Variants in TMOD1 observed in about 807,000 individuals in gnomAD.
The protein encoded by TMOD1 is tropomodulin 1.
In TMOD1, 17 loss-of-function variants were observed where a neutral mutation model predicts 40.6. That is an observed-to-expected ratio of 0.42 (90% CI 0.29 to 0.63). The LOEUF (loss-of-function observed/expected upper bound fraction) is 0.63, where lower values mean the gene tolerates loss of function less well. TMOD1 is among the 20% of genes least tolerant of loss of function. The pLI is 0.22. For missense variants in TMOD1, 391 were observed against 447.6 expected (o/e 0.87, Z 1.14); for synonymous variants, 181 against 175.0 (o/e 1.03, Z -0.27).
chr9:97,537,200 C>A (rs999051318), intron 2 of TMOD1, among the ~76,000 whole-genome samples: 5 of 152,134 alleles, frequency 3.3e-5, no homozygotes, highest in African/African-American at 7.2e-5. Flanking sequence ...TTTATATTTC[C>A]GAGCTGCCAG....
intron 1 of TMOD1, among the ~76,000 whole-genome samples, chr9:97,514,672 G>A (rs947930039): frequency 6.6e-6 from 1 of 152,222 alleles, no homozygotes; most frequent in African/African-American, 2.4e-5. Flanking sequence ...TGCAGGGCAA[G>A]CCTTTCATCC....
intron 9 of TMOD1, among the ~76,000 whole-genome samples, chr9:97,597,062 T>C (rs945404531): frequency 2.0e-5 from 3 of 152,206 alleles, no homozygotes; most frequent in South Asian, 2.1e-4. Flanking sequence ...TCCAAAAACA[T>C]GATGGAAATG....
intron 2 of TMOD1, among the ~76,000 whole-genome samples, chr9:97,535,194 A>C (rs756448486): frequency 3.9e-5 from 6 of 152,170 alleles, no homozygotes; most frequent in Non-Finnish European, 5.9e-5. Flanking sequence ...TCAGGTACAC[A>C]TGTCAGTGGA....
At chr9:97,554,868 G>A (rs933507118) in intron 4 of TMOD1, among the ~76,000 whole-genome samples, 4 of 152,192 alleles carry the variant, frequency 2.6e-5, no homozygotes, top group African/African-American at 9.7e-5. Context: ...GGGATGTGCA[G>A]GGGCAGTGAG....
At position 97,502,262 on chromosome 9, in the gene TMOD1, T is replaced by A. The variant is rs1829514532; in HGVS notation, c.-49+459T>A. On this transcript the variant is annotated intron_variant, in intron 1 of 9. Transcript: ENST00000259365. The surrounding 1 kb of genome is among the most constrained non-coding windows in gnomAD (Gnocchi z 6.1). The stretch of plus-strand genomic sequence containing the variant: ...TCGGGGGCGCGGCCTCTTCTCCGCC[T>A]GCAAGAGTCTGGGGGTGGGAGTGGG... 1.3e-5 allele frequency among the ~76,000 whole-genome samples: 2 copies of A among 152,038 alleles called. No individual in the cohort carries two copies.
At chr9:97,529,266 G>A (rs143702016) in intron 2 of TMOD1, among the ~76,000 whole-genome samples, 3 of 152,276 alleles carry the variant, frequency 2.0e-5, no homozygotes, top group African/African-American at 4.8e-5. Flanking sequence ...ACTTGGGTAC[G>A]TGATTTTCCT....
At chr9:97,559,626 G>A (rs901139876) in intron 4 of TMOD1, among the ~76,000 whole-genome samples, 3 of 150,894 alleles carry the variant, frequency 2.0e-5, no homozygotes, top group Admixed American at 6.6e-5. Context: ...TTAGCTGGAC[G>A]TGGTGGCACG....
chr9:97,553,350 T>G lies in TMOD1; in HGVS notation c.347T>G (p.Leu116Arg). ...VLESVTLEPE[L>R]EEALANASDA... ...GAAAGTGTGACGCTGGAACCGGAGC[T>G]GGAGGAAGCCTTGGCAAATGCTTCA... is the stretch of plus-strand genomic sequence containing the variant. Residue 116 changes from leucine (L) to arginine (R), a missense_variant, in exon 4 of 10, where the codon CTG becomes CGG. By Grantham distance (102) the Leu-to-Arg change is moderately radical. Transcript: ENST00000259365. 1 of 1,614,210 alleles carries G rather than the reference T, an allele frequency of 6.2e-7. No homozygotes were observed. The highest frequency in any genetic ancestry group is 8.5e-7 in the Non-Finnish European group (1 of 1,180,042).
intron 8 of TMOD1, among the ~76,000 whole-genome samples, chr9:97,580,449 AC>A (rs1242098158): frequency 6.6e-6 from 1 of 152,098 alleles, no homozygotes; most frequent in Non-Finnish European, 1.5e-5. Flanking sequence ...TACTAAAAAC[AC>A]AAAAAATTAG....
At chr9:97,533,355 G>T (rs899205268) in intron 2 of TMOD1, among the ~76,000 whole-genome samples, 1 of 152,244 alleles carries the variant, frequency 6.6e-6, no homozygotes, top group Admixed American at 6.5e-5. Flanking sequence ...GTGAGCCTGA[G>T]TATATGATTT....
chr9:97,567,790 G>A (rs1830754596), intron 7 of TMOD1, among the ~76,000 whole-genome samples: 2 of 152,198 alleles, frequency 1.3e-5, no homozygotes, highest in South Asian at 4.1e-4. Context: ...AGGAGGGGGC[G>A]ATGATTTCAA....
chr9:97,501,212 CAG>C (rs1206630910), upstream of TMOD1: 6 of 152,308 alleles, frequency 3.9e-5, no homozygotes, highest in Admixed American at 3.9e-4. Flanking sequence ...GCTTGCGGCT[CAG>C]AGCCCACCTG....
At chr9:97,501,645 C>G (rs1829502512), upstream of TMOD1, 1 of 148,754 alleles carries the variant, frequency 6.7e-6, no homozygotes, top group South Asian at 1.8e-4. Flanking sequence ...CCACAGCTCC[C>G]GCCCGCCCGC....
intron 8 of TMOD1, among the ~76,000 whole-genome samples, chr9:97,586,822 C>T (rs373163938): frequency 2.0e-5 from 3 of 152,160 alleles, no homozygotes; most frequent in African/African-American, 7.2e-5. Flanking sequence ...TCCCTGACCC[C>T]TTGCGCTTCC....
intron 8 of TMOD1, among the ~76,000 whole-genome samples, chr9:97,576,584 A>G (rs911387279): frequency 5.3e-5 from 8 of 152,130 alleles, no homozygotes; most frequent in Non-Finnish European, 7.3e-5. Context: ...CATTTCTGTC[A>G]TATACTTCAT....
chr9:97,564,079 G>T lies in TMOD1; in HGVS notation c.529G>T (p.Glu177Ter), dbSNP rs868060389. The T allele has an allele frequency of 6.2e-7, 1 of 1,614,076 alleles. No individual in the cohort carries two copies. Among genetic ancestry groups the T allele is most frequent in the African/African-American group, 1.3e-5 (1 of 74,938 alleles). Residue 177 changes from glutamate to a stop codon, truncating the protein, a stop_gained, in exon 6 of 10, where the codon GAA (glutamate) becomes TAA (stop). Transcript: ENST00000259365. LOFTEE classifies it high-confidence loss of function. ...ACAATACAAGCCTGTGCCCGACGAAGAACCAAATTCAACAGACGTAGAGGA... is the reference window on the plus strand; with the variant it reads ...ACAATACAAGCCTGTGCCCGACGAATAACCAAATTCAACAGACGTAGAGGA... ...PTQYKPVPDE[E>*]PNSTDVEETL...
chr9:97,555,435 G>A (rs1830521658), intron 4 of TMOD1: 6 of 1,404,040 alleles, frequency 4.3e-6, no homozygotes, highest in Non-Finnish European at 5.5e-6. Context: ...TGCGGTTCCT[G>A]TGCCAGGTCA....
chr9:97,568,491 C>G (rs146224101), intron 7 of TMOD1, among the ~76,000 whole-genome samples: 7 of 152,188 alleles, frequency 4.6e-5, no homozygotes, highest in Non-Finnish European at 2.9e-5. Context: ...TGAGAATGCC[C>G]TCGAAAGATG....
intron 1 of TMOD1, among the ~76,000 whole-genome samples, chr9:97,510,722 AG>A (rs2131208280): frequency 6.6e-6 from 1 of 152,296 alleles, no homozygotes; most frequent in Non-Finnish European, 1.5e-5. Context: ...TTGTGGGAGT[AG>A]GGGTGCCTGA....
Sources: allele counts gnomAD v4.1 joint callset (sites outside exome capture counted in the v4.1 genomes callset), GRCh38; gene constraint gnomAD v4.1.1; non-coding constraint Gnocchi (gnomAD v3.1); transcripts MANE v1.5; gene names NCBI Gene and HGNC (gene_info 2026-07-23, HGNC 2026-07-21).